DSTYK: variants seen among roughly 807,000 people sequenced by gnomAD.
The protein encoded by DSTYK is RIP-homologous kinase.
DSTYK carries 34 observed loss-of-function variants against 98.7 expected under a neutral mutation model. That is an observed-to-expected ratio of 0.34 (90% CI 0.26 to 0.46). DSTYK has a LOEUF of 0.46. DSTYK is among the 20% of genes least tolerant of loss of function. The probability of loss-of-function intolerance (pLI) is 1.00; values close to 1 mark genes in which losing one functional copy is unlikely to be tolerated. For missense variants in DSTYK, 962 were observed against 1,181.7 expected, an observed-to-expected ratio of 0.81 and a Z score of 2.73; for synonymous variants, 462 against 457.3, an observed-to-expected ratio of 1.01 and a Z score of -0.13.
chr1:205,187,571 G>T lies in DSTYK; in HGVS notation c.501C>A (p.Leu167=). 5.0e-6 allele frequency: 8 copies of T among 1,614,134 alleles called. No individual in the cohort carries two copies. The highest frequency in any genetic ancestry group is 6.8e-6 in the Non-Finnish European group (8 of 1,180,044). ...YGTQTRVSLA[L]PGQYELVHTL... ...TGTGCACTAGTTCATACTGTCCAGGGAGCGCCAGGCTGACCCGAGTCTGAG... is the reference window on the plus strand; with the variant it reads ...TGTGCACTAGTTCATACTGTCCAGGTAGCGCCAGGCTGACCCGAGTCTGAG... Residue 167 remains leucine (L), a synonymous_variant, in exon 2 of 13, where the codon CTC becomes CTA. Transcript: ENST00000367162.
At chr1:205,211,211 T>A (rs1347936795) in intron 1 of DSTYK, 60 bp downstream of exon 1, 37 of 1,521,936 alleles carry the variant, frequency 2.4e-5, no homozygotes, top group Non-Finnish European at 3.2e-5. Context: ...AGGGCAGGGG[T>A]GCGGTCCGTC....
intron 1 of DSTYK, among the ~76,000 whole-genome samples, chr1:205,197,359 C>T (rs775332734): frequency 6.6e-6 from 1 of 152,086 alleles, no homozygotes; most frequent in Non-Finnish European, 1.5e-5. Context: ...AAAAAGGCTA[C>T]ATCTAATATA....
intron 10 of DSTYK, among the ~76,000 whole-genome samples, 176 bp downstream of exon 10, chr1:205,157,097 C>A (rs1214167978): frequency 1.3e-5 from 2 of 152,176 alleles, no homozygotes; most frequent in African/African-American, 4.8e-5. Context: ...GTCAATTAAA[C>A]CTCTTTCTTT....
At chr1:205,165,612 A>G (rs561385760) in intron 3 of DSTYK, among the ~76,000 whole-genome samples, 1 of 152,306 alleles carries the variant, frequency 6.6e-6, no homozygotes, top group South Asian at 2.1e-4. Context: ...CTTCAGAGGA[A>G]ATTTGGCAAT....
At chr1:205,201,841 C>T (rs1659050076) in intron 1 of DSTYK, among the ~76,000 whole-genome samples, 1 of 152,144 alleles carries the variant, frequency 6.6e-6, no homozygotes, top group Non-Finnish European at 1.5e-5. Flanking sequence ...GGGAGGATCA[C>T]CTGAGGTCAG....
At chr1:205,174,699 A>G (rs1658174546) in intron 2 of DSTYK, among the ~76,000 whole-genome samples, 1 of 150,258 alleles carries the variant, frequency 6.7e-6, no homozygotes, top group South Asian at 2.1e-4. Flanking sequence ...AAATTACTTA[A>G]TTAATTAATT....
Position 205,157,004 on chromosome 1 carries a change from C to T in DSTYK, c.2352+269G>A, listed in dbSNP as rs113443500. On this transcript the variant is annotated intron_variant, in intron 10 of 12. Coordinates refer to ENST00000367162, the MANE Select transcript of DSTYK (RefSeq NM_015375.3). ...TGTTCAGTACTTCTCCTTGCTGCTG[C>T]CATGTGAAGAAGAATGTGTTTATTT... Among the ~76,000 whole-genome samples the T allele has an allele frequency of 8.6e-3, 1,314 of 152,270 alleles. 23 individuals carry two copies. Among genetic ancestry groups the T allele is most frequent in the African/African-American group, 0.03 (1,258 of 41,550 alleles).
At chr1:205,165,546 T>C (rs924925539) in intron 3 of DSTYK, among the ~76,000 whole-genome samples, 5 of 152,174 alleles carry the variant, frequency 3.3e-5, no homozygotes, top group African/African-American at 1.2e-4. Flanking sequence ...CAAAAAGATG[T>C]GCTCCTGAAA....
At chr1:205,163,559 A>G (rs1238795410) in intron 4 of DSTYK, among the ~76,000 whole-genome samples, 164 bp downstream of exon 4, 1 of 152,180 alleles carries the variant, frequency 6.6e-6, no homozygotes, top group Non-Finnish European at 1.5e-5. Flanking sequence ...GCTCACCAAC[A>G]TCTCCCACAG....
rs989089054 is a variant in DSTYK at position 205,185,220 on chromosome 1, A to G, written c.654+2198T>C. Among the ~76,000 whole-genome samples, 14 of 152,246 alleles carry G rather than the reference A, an allele frequency of 9.2e-5. No homozygotes were observed. In the South Asian group the frequency reaches 2.5e-3, roughly 27 times the overall value. On this transcript the variant is annotated intron_variant, in intron 2 of 12. Coordinates refer to ENST00000367162, the MANE Select transcript of DSTYK (RefSeq NM_015375.3). ...TCTCTCAAAAATAAAAAATAATAAT[A>G]GTAATTTAAAAAAATAAAATGAAGG...
intron 2 of DSTYK, among the ~76,000 whole-genome samples, chr1:205,171,079 G>GTT (rs1339938402): frequency 6.8e-6 from 1 of 148,082 alleles, no homozygotes; most frequent in Admixed American, 6.7e-5. Flanking sequence ...TGGTTTTTTT[G>GTT]TGTTTGTTTG....
intron 1 of DSTYK, among the ~76,000 whole-genome samples, chr1:205,210,145 GC>G (rs1659329219): frequency 6.6e-6 from 1 of 151,772 alleles, no homozygotes; most frequent in African/African-American, 2.4e-5. Flanking sequence ...CAAGTGATCC[GC>G]CCCGCCTCTG....
At chr1:205,179,319 A>C (rs973801407) in intron 2 of DSTYK, among the ~76,000 whole-genome samples, 28 of 151,904 alleles carry the variant, frequency 1.8e-4, no homozygotes, top group Admixed American at 1.8e-3. Flanking sequence ...TGAAAGTAGA[A>C]TAAAAGATAG....
At chr1:205,190,897 G>A (rs980549535) in intron 1 of DSTYK, among the ~76,000 whole-genome samples, 3 of 152,176 alleles carry the variant, frequency 2.0e-5, no homozygotes, top group Non-Finnish European at 4.4e-5. Flanking sequence ...ACTACCAGGA[G>A]AGTGGATAAT....
At chr1:205,154,771 G>T (rs1657508667) in intron 10 of DSTYK, among the ~76,000 whole-genome samples, 2 of 152,152 alleles carry the variant, frequency 1.3e-5, no homozygotes, top group African/African-American at 4.8e-5. Context: ...TTGTTGAATG[G>T]CTTTGACCAA....
At chr1:205,185,761 C>T (rs1009034808) in intron 2 of DSTYK, among the ~76,000 whole-genome samples, 17 of 152,104 alleles carry the variant, frequency 1.1e-4, no homozygotes, top group South Asian at 2.1e-4. Context: ...TGGTGGCTCA[C>T]GCCTGTAATC....
In DSTYK at chr1:205,161,347, T is replaced by C. The variant is rs1184514143; in HGVS notation, c.1859A>G (p.Asp620Gly). 1 of 1,614,158 alleles carries C rather than the reference T, an allele frequency of 6.2e-7. No individual in the cohort carries two copies. Among genetic ancestry groups the C allele is most frequent in the Admixed American group, 1.7e-5 (1 of 60,014 alleles). ...ATCTTTCCGAACCCTCAGCCATAGA[T>C]CTTCCGTTTTCTCTAACCGGCCTGA... ...GHSGRLEKTE[D>G]LWLRVRKDHA... Residue 620 changes from aspartate to glycine, a missense_variant, in exon 7 of 13, where the codon GAT (aspartate) becomes GGT (glycine). Coordinates refer to ENST00000367162, the MANE Select transcript of DSTYK (RefSeq NM_015375.3).
chr1:205,192,432 C>G (rs1443865922), intron 1 of DSTYK, among the ~76,000 whole-genome samples: 1 of 152,112 alleles, frequency 6.6e-6, no homozygotes, highest in Non-Finnish European at 1.5e-5. Flanking sequence ...ACTCAGGAGG[C>G]TGAGGTGTGA....
intron 1 of DSTYK, among the ~76,000 whole-genome samples, chr1:205,188,045 T>C (rs1658609154): frequency 6.6e-6 from 1 of 152,132 alleles, no homozygotes. Context: ...CTGTTATTTC[T>C]ACCCAGAAAT....
Sources: allele counts gnomAD v4.1 joint callset (sites outside exome capture counted in the v4.1 genomes callset), GRCh38; gene constraint gnomAD v4.1.1; transcripts MANE v1.5; gene names NCBI Gene and HGNC (gene_info 2026-07-23, HGNC 2026-07-21).